The following SLC9A9 variants were observed in gnomAD, a reference collection of about 807,000 sequenced individuals.
SLC9A9 encodes solute carrier family 9 member A9, also known as sodium/hydrogen exchanger 9.
In SLC9A9, 62 loss-of-function variants were observed where a neutral mutation model predicts 77.8. That is an observed-to-expected ratio of 0.80 (90% confidence interval 0.65 to 0.98). The LOEUF (loss-of-function observed/expected upper bound fraction) is 0.98, where lower values mean the gene tolerates loss of function less well. Among genes scored for constraint, SLC9A9 ranks in the 50% least tolerant of loss-of-function variants. The pLI is 0.00. For synonymous variants in SLC9A9, 320 were observed against 283.5 expected (o/e 1.13, Z -1.29); for missense variants, 775 against 774.9 (o/e 1.00, Z 0.00).
chr3:143,739,440 G>A (rs1935026919), intron 4 of SLC9A9, among the ~76,000 whole-genome samples: 1 of 152,182 alleles, frequency 6.6e-6, no homozygotes, highest in Non-Finnish European at 1.5e-5. Context: ...TGGCTAGAAA[G>A]TGTTAGCGCT....
intron 14 of SLC9A9, among the ~76,000 whole-genome samples, chr3:143,281,795 C>A (rs553538178): frequency 1.5e-4 from 23 of 152,194 alleles, no homozygotes; most frequent in African/African-American, 5.5e-4. Context: ...ATGATTGCTG[C>A]TACTTTGCTC....
intron 6 of SLC9A9, among the ~76,000 whole-genome samples, chr3:143,621,227 CA>C (rs2038206929): frequency 6.6e-6 from 1 of 152,226 alleles, no homozygotes; most frequent in South Asian, 2.1e-4. Flanking sequence ...GAATCCTCTG[CA>C]GACTTAAATG....
intron 8 of SLC9A9, among the ~76,000 whole-genome samples, chr3:143,565,564 G>A (rs1003726075): frequency 2.0e-5 from 3 of 152,156 alleles, no homozygotes; most frequent in African/African-American, 7.2e-5. Flanking sequence ...GAGTTATTAT[G>A]CGAGAAGACA....
chr3:143,792,282 A>G (rs2008247737), intron 4 of SLC9A9, among the ~76,000 whole-genome samples: 1 of 152,234 alleles, frequency 6.6e-6, no homozygotes, highest in Admixed American at 6.5e-5. Context: ...CATATAATGG[A>G]AGTTACCAAG....
chr3:143,318,559 A>G (rs1302037774), intron 14 of SLC9A9, among the ~76,000 whole-genome samples: 2 of 152,196 alleles, frequency 1.3e-5, no homozygotes, highest in African/African-American at 2.4e-5. Flanking sequence ...ATAGCTAACC[A>G]TCGGGAAGCA....
chr3:143,339,734 C>T (rs1322477135), intron 14 of SLC9A9, among the ~76,000 whole-genome samples: 2 of 152,164 alleles, frequency 1.3e-5, no homozygotes, highest in African/African-American at 4.8e-5. Context: ...ATCACGTCTA[C>T]TCTGATAGTT....
At chr3:143,646,282 G>T (rs1027102852) in intron 6 of SLC9A9, among the ~76,000 whole-genome samples, 5 of 147,614 alleles carry the variant, frequency 3.4e-5, no homozygotes, top group Non-Finnish European at 7.5e-5. Flanking sequence ...ATATATACAG[G>T]TATAATAAAA....
At chr3:143,303,924 A>G (rs2030653450) in intron 14 of SLC9A9, among the ~76,000 whole-genome samples, 1 of 152,230 alleles carries the variant, frequency 6.6e-6, no homozygotes, top group Non-Finnish European at 1.5e-5. Flanking sequence ...TTCTTAACAG[A>G]GGAACTTTAT....
intron 6 of SLC9A9, among the ~76,000 whole-genome samples, chr3:143,650,080 T>G (rs2038771824): frequency 6.6e-6 from 1 of 152,052 alleles, no homozygotes; most frequent in South Asian, 2.1e-4. Context: ...TTGAAAGACT[T>G]GATTAGGCAG....
intron 13 of SLC9A9, among the ~76,000 whole-genome samples, chr3:143,368,678 A>G (rs908991548): frequency 6.6e-6 from 1 of 152,318 alleles, no homozygotes; most frequent in Admixed American, 6.5e-5. Context: ...TTTTTAAGGT[A>G]GTACCTGTGA....
chr3:143,545,397 G>A (rs1008586026), intron 9 of SLC9A9, among the ~76,000 whole-genome samples: 1 of 152,162 alleles, frequency 6.6e-6, no homozygotes, highest in Non-Finnish European at 1.5e-5. Flanking sequence ...GCATGCATAT[G>A]CATATGTATG....
chr3:143,336,934 C>G (rs1467207354), intron 14 of SLC9A9, among the ~76,000 whole-genome samples: 2 of 152,050 alleles, frequency 1.3e-5, no homozygotes, highest in Non-Finnish European at 2.9e-5. Context: ...TACAGAAAAT[C>G]TTAAAGTATT....
chr3:143,326,939 G>A (rs1423320785), intron 14 of SLC9A9, among the ~76,000 whole-genome samples: 1 of 152,130 alleles, frequency 6.6e-6, no homozygotes, highest in Non-Finnish European at 1.5e-5. Context: ...ACTTTCTCTT[G>A]CCTTGTGCAT....
At chr3:143,623,358 T>G (rs1184895859) in intron 6 of SLC9A9, among the ~76,000 whole-genome samples, 5 of 152,188 alleles carry the variant, frequency 3.3e-5, no homozygotes, top group South Asian at 2.1e-4. Flanking sequence ...GACCACATAG[T>G]TGGAAGTAAA....
At chr3:143,844,307 T>C (rs1435764480) in intron 1 of SLC9A9, among the ~76,000 whole-genome samples, 1 of 151,518 alleles carries the variant, frequency 6.6e-6, no homozygotes, top group African/African-American at 2.4e-5. Flanking sequence ...CCCTGTTCTC[T>C]AGAATTTTTA....
At chr3:143,588,282 G>A (rs2037580351) in intron 6 of SLC9A9, among the ~76,000 whole-genome samples, 1 of 152,126 alleles carries the variant, frequency 6.6e-6, no homozygotes, top group Non-Finnish European at 1.5e-5. Context: ...TTTCCTCCAG[G>A]CCTGCCAGGA....
chr3:143,414,908 T>C (rs575005280), intron 12 of SLC9A9, among the ~76,000 whole-genome samples: 3 of 152,284 alleles, frequency 2.0e-5, no homozygotes, highest in East Asian at 1.9e-4. Flanking sequence ...AACAGCCAAA[T>C]TGTGAATGCA....
At chr3:143,272,828 A>G (rs1937934057) in intron 14 of SLC9A9, among the ~76,000 whole-genome samples, 1 of 152,192 alleles carries the variant, frequency 6.6e-6, no homozygotes, top group Non-Finnish European at 1.5e-5. Context: ...AAAAATGTTC[A>G]GCTCTTGGGG....
At chr3:143,667,796 C>A (rs916560499) in intron 5 of SLC9A9, among the ~76,000 whole-genome samples, 2 of 152,152 alleles carry the variant, frequency 1.3e-5, no homozygotes, top group Admixed American at 1.3e-4. Flanking sequence ...ACATCTCATG[C>A]CAGTTATTAT....
Sources: allele counts gnomAD v4.1 joint callset (sites outside exome capture counted in the v4.1 genomes callset), GRCh38; gene constraint gnomAD v4.1.1; transcripts MANE v1.5; gene names NCBI Gene and HGNC (gene_info 2026-07-23, HGNC 2026-07-21).